The following XNDC1N variants were observed in gnomAD, a reference collection of about 807,000 sequenced individuals.
XNDC1N encodes XRCC1 N-terminal domain containing 1, N-terminal like.
At chr11:71,913,685 A>G in the XNDC1N span, among the ~76,000 whole-genome samples, 265 of 147,908 alleles carry the variant, frequency 1.8e-3, no homozygotes, top group African/African-American at 5.8e-3. Context: ...AAAAAAAAAA[A>G]AAAGAAAAAC....
chr11:71,905,385 C>G, the XNDC1N span, among the ~76,000 whole-genome samples: 1 of 151,696 alleles, frequency 6.6e-6, no homozygotes, highest in Non-Finnish European at 1.5e-5. Flanking sequence ...AATAACATCA[C>G]AGGGTGTACA....
chr11:71,919,604 G>GGTTTTTTTT, the XNDC1N span, among the ~76,000 whole-genome samples: 1 of 135,256 alleles, frequency 7.4e-6, no homozygotes, highest in African/African-American at 2.8e-5. Context: ...TGGCCAGGTT[G>GGTTTTTTTT]GTTTTTTTTT....
At chr11:71,895,891 A>G in the XNDC1N span, among the ~76,000 whole-genome samples, 1 of 152,242 alleles carries the variant, frequency 6.6e-6, no homozygotes, top group East Asian at 1.9e-4. Flanking sequence ...ACTGCAGACA[A>G]AATGGATGAG....
At chr11:71,871,411 C>T in the XNDC1N span, among the ~76,000 whole-genome samples, 1 of 152,146 alleles carries the variant, frequency 6.6e-6, no homozygotes, top group Non-Finnish European at 1.5e-5. Flanking sequence ...TCAAACAGTA[C>T]AAAGCCTCAA....
At chr11:71,899,196 C>A in the XNDC1N span, among the ~76,000 whole-genome samples, 2 of 152,270 alleles carry the variant, frequency 1.3e-5, no homozygotes, top group East Asian at 3.9e-4. Context: ...TGCCTCCAGC[C>A]CTGCAGTGTG....
chr11:71,907,811 C>G, the XNDC1N span, among the ~76,000 whole-genome samples: 1 of 152,114 alleles, frequency 6.6e-6, no homozygotes, highest in Non-Finnish European at 1.5e-5. Flanking sequence ...CCACTTTCTG[C>G]CATATATGTA....
chr11:71,903,232 C>T, the XNDC1N span: 1 of 891,778 alleles, frequency 1.1e-6, no homozygotes, highest in Non-Finnish European at 1.9e-6. Flanking sequence ...TATTCCTTCT[C>T]CTCGAACTCT....
At chr11:71,923,820 G>A in the XNDC1N span, among the ~76,000 whole-genome samples, 3 of 152,138 alleles carry the variant, frequency 2.0e-5, no homozygotes, top group African/African-American at 7.2e-5. Flanking sequence ...CTCCCAAAGT[G>A]TTGGGATTAC....
the XNDC1N span, among the ~76,000 whole-genome samples, chr11:71,888,126 C>A: frequency 1.4e-4 from 22 of 152,152 alleles, no homozygotes; most frequent in African/African-American, 4.1e-4. Flanking sequence ...GTTGGGTGTG[C>A]CAAGGGAACA....
At chr11:71,865,530 TTATTTTTAAG>T in the XNDC1N span, 1 of 110,482 alleles carries the variant, frequency 9.1e-6, no homozygotes, top group African/African-American at 7.1e-5. Flanking sequence ...TAATTTCTTT[TTATTTTTAAG>T]TGAGACAAAG....
chr11:71,925,211 C>G, the XNDC1N span, among the ~76,000 whole-genome samples: 2 of 151,996 alleles, frequency 1.3e-5, no homozygotes, highest in African/African-American at 4.8e-5. Flanking sequence ...ATGGGTATGT[C>G]TTCTTTGTCC....
chr11:71,917,565 G>A, the XNDC1N span: 1 of 703,512 alleles, frequency 1.4e-6, no homozygotes, highest in Non-Finnish European at 2.6e-6. Context: ...CTTTAGTACT[G>A]CATCTCTGTT....
At chr11:71,868,023 C>A in the XNDC1N span, among the ~76,000 whole-genome samples, 582 of 152,218 alleles carry the variant, frequency 3.8e-3, 7 homozygotes, top group African/African-American at 0.014. Flanking sequence ...TGAATTGAAC[C>A]CTTTACCATT....
chr11:71,891,216 C>T, the XNDC1N span, among the ~76,000 whole-genome samples: 17 of 151,846 alleles, frequency 1.1e-4, no homozygotes, highest in Admixed American at 7.2e-4. Context: ...TGGTGTACCC[C>T]CCCTGCGATA....
At chr11:71,915,459 A>G in the XNDC1N span, among the ~76,000 whole-genome samples, 1 of 151,796 alleles carries the variant, frequency 6.6e-6, no homozygotes, top group Non-Finnish European at 1.5e-5. Flanking sequence ...AAAAAAAAAA[A>G]GAAAAAAAAA....
chr11:71,898,421 A>T, the XNDC1N span, among the ~76,000 whole-genome samples: 1 of 152,228 alleles, frequency 6.6e-6, no homozygotes, highest in African/African-American at 2.4e-5. Context: ...AGCCTGGCCA[A>T]TATGGTGAAA....
chr11:71,893,243 T>A, the XNDC1N span, among the ~76,000 whole-genome samples: 16 of 152,204 alleles, frequency 1.1e-4, no homozygotes, highest in African/African-American at 3.4e-4. Context: ...TTCAGTGGAT[T>A]TTCTCTAAAG....
the XNDC1N span, among the ~76,000 whole-genome samples, chr11:71,894,680 A>T: frequency 6.6e-6 from 1 of 152,248 alleles, no homozygotes; most frequent in East Asian, 1.9e-4. Flanking sequence ...TCCAGGTGGA[A>T]TCACAACCAT....
At chr11:71,926,536 T>C in the XNDC1N span, among the ~76,000 whole-genome samples, 7 of 152,290 alleles carry the variant, frequency 4.6e-5, no homozygotes, top group South Asian at 1.4e-3. Context: ...AAGTAATAAA[T>C]GATGTTCAGG....
Sources: gnomAD v4.1 joint callset for allele counts (sites outside exome capture counted in the v4.1 genomes callset) on GRCh38, gnomAD v4.1.1 for gene constraint, MANE v1.5 for transcripts, NCBI Gene and HGNC (gene_info 2026-07-23, HGNC 2026-07-21) for gene names.